ASIC2: variants seen among roughly 807,000 people sequenced by gnomAD.
ASIC2 encodes acid-sensing ion channel 2.
In ASIC2, 25 loss-of-function variants were observed where a neutral mutation model predicts 57.3. The observed-to-expected ratio is 0.44, with a 90% CI of 0.32 to 0.61. ASIC2 has a LOEUF of 0.61. ASIC2 is among the 20% of genes least tolerant of loss of function. The pLI is 0.06. For synonymous variants in ASIC2, 319 were observed against 307.5 expected, an observed-to-expected ratio of 1.04 and a Z score of -0.39; for missense variants, 641 against 738.1, an observed-to-expected ratio of 0.87 and a Z score of 1.52.
chr17:33,128,317 A>G (rs2092332323), intron 1 of ASIC2, among the ~76,000 whole-genome samples: 2 of 152,140 alleles, frequency 1.3e-5, no homozygotes. Flanking sequence ...TTGGTACCAC[A>G]TACTTTTCCT....
At chr17:33,746,043 C>T (rs1910249014) in intron 1 of ASIC2, among the ~76,000 whole-genome samples, 1 of 151,656 alleles carries the variant, frequency 6.6e-6, no homozygotes, top group South Asian at 2.1e-4. Context: ...AAAAGGTAGA[C>T]AGGAGCAAAA....
chr17:33,342,670 G>T (rs80244385), intron 1 of ASIC2, among the ~76,000 whole-genome samples: 1 of 152,252 alleles, frequency 6.6e-6, no homozygotes, highest in Non-Finnish European at 1.5e-5. Flanking sequence ...ACTCTGGTTT[G>T]GGGGCTTGCA....
At chr17:33,197,767 T>C (rs577868137) in intron 1 of ASIC2, among the ~76,000 whole-genome samples, 23 of 152,250 alleles carry the variant, frequency 1.5e-4, no homozygotes, top group African/African-American at 5.1e-4. Flanking sequence ...TCTCCCTGGG[T>C]ACTGGTTCTG....
At chr17:33,538,976 C>T (rs991640991) in intron 1 of ASIC2, among the ~76,000 whole-genome samples, 1 of 152,224 alleles carries the variant, frequency 6.6e-6, no homozygotes, top group Non-Finnish European at 1.5e-5. Context: ...CTTCTCCCAG[C>T]AAGCAAGTCT....
chr17:33,684,741 A>C (rs577102044), intron 1 of ASIC2, among the ~76,000 whole-genome samples: 1 of 152,078 alleles, frequency 6.6e-6, no homozygotes, highest in Non-Finnish European at 1.5e-5. Flanking sequence ...GAAAGGAAAA[A>C]ATTTTTTTAA....
intron 1 of ASIC2, among the ~76,000 whole-genome samples, chr17:34,099,464 AAG>A (rs367785858): frequency 0.031 from 3,577 of 115,330 alleles, 173 homozygotes; most frequent in African/African-American, 0.093. Context: ...AAAAGAAAGA[AAG>A]AGAGAGAAAG....
chr17:34,013,241 A>C (rs1183062189), intron 1 of ASIC2, among the ~76,000 whole-genome samples: 1 of 152,124 alleles, frequency 6.6e-6, no homozygotes, highest in Non-Finnish European at 1.5e-5. Context: ...CTGAGACGAG[A>C]TGTTGTCCCT....
intron 3 of ASIC2, among the ~76,000 whole-genome samples, chr17:33,049,932 C>T (rs1265317656): frequency 2.0e-5 from 3 of 152,146 alleles, no homozygotes; most frequent in Admixed American, 2.0e-4. Context: ...AAAGAGACTC[C>T]TCATGCCTGT....
chr17:33,639,741 G>A (rs1378816567), intron 1 of ASIC2, among the ~76,000 whole-genome samples: 2 of 142,740 alleles, frequency 1.4e-5, no homozygotes, highest in East Asian at 4.1e-4. Flanking sequence ...TACTAAGGGT[G>A]GGCAGAAAGC....
intron 1 of ASIC2, among the ~76,000 whole-genome samples, chr17:34,014,906 T>TTC (rs398119797): frequency 1.3e-5 from 2 of 151,630 alleles, no homozygotes; most frequent in Non-Finnish European, 2.9e-5. Context: ...TTTTTTTTTT[T>TTC]CTGAGTCTTG....
intron 1 of ASIC2, among the ~76,000 whole-genome samples, chr17:33,480,731 A>G (rs1913377106): frequency 6.6e-6 from 1 of 152,060 alleles, no homozygotes; most frequent in South Asian, 2.1e-4. Flanking sequence ...TCCCCACCCC[A>G]GCCATCCTCC....
intron 1 of ASIC2, among the ~76,000 whole-genome samples, chr17:33,421,455 G>A (rs1052241547): frequency 1.3e-5 from 2 of 152,226 alleles, no homozygotes; most frequent in Non-Finnish European, 2.9e-5. Context: ...GGGAAAGGGG[G>A]CTAGTAGATG....
At position 33,520,680 on chromosome 17, in the gene ASIC2, T is replaced by C. The variant is rs57546273; in HGVS notation, c.556-408613A>G. Among the ~76,000 whole-genome samples, 468 of 152,324 alleles carry C rather than the reference T, an allele frequency of 3.1e-3. 4 individuals are homozygous for C. Among genetic ancestry groups the C allele is most frequent in the African/African-American group, 0.011 (456 of 41,580 alleles). ...CCACGGACAGGGCCCCTCTTGGGGCTATGAAGGGTGGAGGAGCAAGTGAGC... is the reference window on the plus strand; with the variant it reads ...CCACGGACAGGGCCCCTCTTGGGGCCATGAAGGGTGGAGGAGCAAGTGAGC... On this transcript the variant is annotated intron_variant, in intron 1 of 9. Transcript: ENST00000359872.
At chr17:33,610,638 A>T (rs1905375036) in intron 1 of ASIC2, among the ~76,000 whole-genome samples, 1 of 152,094 alleles carries the variant, frequency 6.6e-6, no homozygotes, top group Non-Finnish European at 1.5e-5. Flanking sequence ...CCAAAGTGGG[A>T]GGATCAGTTG....
intron 1 of ASIC2, among the ~76,000 whole-genome samples, chr17:33,676,143 A>C (rs1454893326): frequency 2.6e-5 from 4 of 152,212 alleles, no homozygotes; most frequent in African/African-American, 9.6e-5. Context: ...ATAAAACAAC[A>C]AATTTAATTG....
chr17:33,073,664 G>A (rs1460096067), intron 3 of ASIC2, among the ~76,000 whole-genome samples: 2 of 152,204 alleles, frequency 1.3e-5, no homozygotes, highest in African/African-American at 4.8e-5. Flanking sequence ...GTGATGGAAT[G>A]CTAAGACTCA....
At chr17:33,277,946 C>T (rs1904772501) in intron 1 of ASIC2, among the ~76,000 whole-genome samples, 2 of 152,178 alleles carry the variant, frequency 1.3e-5, no homozygotes, top group South Asian at 4.1e-4. Flanking sequence ...GATGTACCCA[C>T]AGTACAAAGA....
At chr17:33,673,897 C>CTTTTTTTTTTTTTTTTTTTTTT (rs574986885) in intron 1 of ASIC2, among the ~76,000 whole-genome samples, 6 of 141,146 alleles carry the variant, frequency 4.3e-5, no homozygotes, top group Admixed American at 2.1e-4. Flanking sequence ...GCATCCGTGT[C>CTTTTTTTTTTTTTTTTTTTTTT]TTTTTTTTTT....
chr17:33,736,707 A>G (rs1909922172), intron 1 of ASIC2, among the ~76,000 whole-genome samples: 1 of 152,158 alleles, frequency 6.6e-6, no homozygotes, highest in East Asian at 1.9e-4. Flanking sequence ...TATCAATTGT[A>G]CCCTCCTCTC....
Sources: gnomAD v4.1 joint callset for allele counts (sites outside exome capture counted in the v4.1 genomes callset) on GRCh38, gnomAD v4.1.1 for gene constraint, MANE v1.5 for transcripts, NCBI Gene and HGNC (gene_info 2026-07-23, HGNC 2026-07-21) for gene names.